CDC6: variants seen among roughly 807,000 people sequenced by gnomAD.
CDC6 encodes the protein cell division cycle 6.
Under a neutral mutation model 60.2 loss-of-function variants are expected in CDC6, and 46 were observed. That is an observed-to-expected ratio of 0.76 (90% CI 0.60 to 0.98). The LOEUF is 0.98. Among genes scored for constraint, CDC6 ranks in the 50% least tolerant of loss-of-function variants. The pLI is 0.00. For missense variants in CDC6, 596 were observed against 652.9 expected (o/e 0.91, Z 0.95); for synonymous variants, 210 against 233.2 (o/e 0.90, Z 0.90).
At chr17:40,288,972 A>G (rs952650300) in intron 1 of CDC6, among the ~76,000 whole-genome samples, 1 of 152,202 alleles carries the variant, frequency 6.6e-6, no homozygotes, top group Non-Finnish European at 1.5e-5. Context: ...AAGTGCTGGG[A>G]TTACAGGCGT....
rs1482415331 is a variant in CDC6, at chr17:40,291,598, G to T, written c.590G>T (p.Ser197Ile). The T allele has an allele frequency of 1.2e-6, 2 of 1,614,230 alleles. No homozygotes were observed. The highest frequency in any genetic ancestry group is 2.2e-5 in the South Asian group (2 of 91,092). Reference protein sequence around the residue: ...REHICGKKAGSLYLSGAPGTG... With the variant: ...REHICGKKAGILYLSGAPGTG... ...CACATCTGTGGGAAAAAAGCTGGAA[G>T]CCTTTACCTTTCTGGTGCTCCTGGA... is the stretch of plus-strand genomic sequence containing the variant. The change falls in exon 4 of 12, where the codon AGC becomes ATC. Residue 197 changes from serine (S) to isoleucine (I), a missense_variant. Coordinates refer to ENST00000209728, the MANE Select transcript of CDC6 (RefSeq NM_001254.4).
rs1193293063 is a variant in CDC6 at position 40,302,511 on chromosome 17, C to T, written c.*510C>T. The T allele has an allele frequency of 3.8e-5, 6 of 156,392 alleles. No homozygotes were observed. Among genetic ancestry groups the T allele is most frequent in the Admixed American group, 6.4e-5 (1 of 15,748 alleles). 9.7% of individuals were successfully genotyped at this position (156,392 alleles called of 1,614,324 possible). On this transcript the variant is annotated 3_prime_UTR_variant, in exon 12 of 12. Transcript: ENST00000209728. ...CTGGGATTACAGGTGCCCACCACCG[C>T]GCCCAGCTAATTTTTTAATTTTTAG...
intron 4 of CDC6, among the ~76,000 whole-genome samples, chr17:40,293,243 A>G (rs559871388): frequency 3.5e-4 from 52 of 150,498 alleles, no homozygotes; most frequent in African/African-American, 1.2e-3. Context: ...CGTCTCAAAG[A>G]AAAAAAAAAG....
At position 40,301,627 on chromosome 17, in the gene CDC6, GAC is replaced by G; in HGVS notation, c.1593+21_1593+22del. 1 of 1,613,020 alleles carries G rather than the reference GAC, an allele frequency of 6.2e-7. No homozygotes were observed. The highest frequency in any genetic ancestry group is 8.5e-7 in the Non-Finnish European group (1 of 1,179,084). On this transcript the variant is annotated intron_variant, in intron 11 of 11. Coordinates refer to ENST00000209728, the MANE Select transcript of CDC6 (RefSeq NM_001254.4). ...GACAAAGGTACAACTGCTTTTTTGT[GAC>G]AGTGTTTTTAATTGTCCTATTTTGT...
At chr17:40,293,335 C>A in intron 4 of CDC6, 121 bp from the exon 5 acceptor site, 1 of 722,942 alleles carries the variant, frequency 1.4e-6, no homozygotes. Flanking sequence ...TTGTTTAAAT[C>A]TTTCCAAATG....
At position 40,301,933 on chromosome 17, in the gene CDC6, A is replaced by G; in HGVS notation, c.1615A>G (p.Lys539Glu). Reference sequence around the variant, plus strand: ...CCAGGTGTTTTTCAAGATTGAAGAGAAAGAAATAGAACATGCTCTGAAAGA... The same window carrying G: ...CCAGGTGTTTTTCAAGATTGAAGAGGAAGAAATAGAACATGCTCTGAAAGA... ...LTKVFFKIEE[K>E]EIEHALKDKA... Residue 539 changes from lysine to glutamate, a missense_variant, in exon 12 of 12, where the codon AAA (lysine) becomes GAA (glutamate). Lys to Glu is a moderately conservative substitution (Grantham distance 56, BLOSUM62 1). Coordinates refer to ENST00000209728, the MANE Select transcript of CDC6 (RefSeq NM_001254.4). The G allele has an allele frequency of 6.3e-7, 1 of 1,595,404 alleles. No homozygotes were observed. Among genetic ancestry groups the G allele is most frequent in the South Asian group, 1.1e-5 (1 of 90,620 alleles).
At position 40,291,531 on chromosome 17, in the gene CDC6, A is replaced by G. The variant is rs1180455338; in HGVS notation, c.523A>G (p.Arg175Gly). ...NTAVPDRLPA[R>G]EREMDVIRNF... ...AGCTGTCCCAGATCGGCTGCCTGCC[A>G]GGGAAAGGGAGATGGATGTCATCAG... Residue 175 changes from arginine (R) to glycine (G), a missense_variant, in exon 4 of 12, where the codon AGG becomes GGG. Arg to Gly is a moderately radical substitution (Grantham distance 125). Transcript: ENST00000209728. 3 of 1,614,094 alleles carry G rather than the reference A, an allele frequency of 1.9e-6. No individual in the cohort carries two copies. Among genetic ancestry groups the G allele is most frequent in the Non-Finnish European group, 2.5e-6 (3 of 1,180,038 alleles).
chr17:40,293,569 A>G lies in CDC6; in HGVS notation c.774A>G (p.Pro258=). ...QEICQEEVSR[P]AGKDMMRKLE... Reference sequence around the variant, plus strand: ...TTTGTCAGGAAGAGGTATCCAGGCCAGCTGGGAAGGACATGATGAGGAAAT... The same window carrying G: ...TTTGTCAGGAAGAGGTATCCAGGCCGGCTGGGAAGGACATGATGAGGAAAT... Residue 258 remains proline (P), a synonymous_variant, in exon 5 of 12, where the codon CCA becomes CCG. Coordinates refer to ENST00000209728, the MANE Select transcript of CDC6 (RefSeq NM_001254.4). The G allele has an allele frequency of 1.9e-6, 3 of 1,613,952 alleles. No homozygotes were observed. Among genetic ancestry groups the G allele is most frequent in the Non-Finnish European group, 2.5e-6 (3 of 1,179,782 alleles).
rs750816199 is a variant in CDC6, at chr17:40,293,617, G to C, written c.822G>C (p.Glu274Asp). The C allele has an allele frequency of 6.2e-7, 1 of 1,612,834 alleles. No individual in the cohort carries two copies. Among genetic ancestry groups the C allele is most frequent in the South Asian group, 1.1e-5 (1 of 91,054 alleles). The change falls in exon 5 of 12, where the codon GAG becomes GAC. Residue 274 changes from glutamate to aspartate, a missense_variant. Transcript: ENST00000209728. ...AATTGGAAAAACATATGACTGCAGA[G>C]AAGGGCCCCATGATGTAAGTATTGT... ...MRKLEKHMTA[E>D]KGPMIVLVLD...
chr17:40,297,556 T>C (rs1323368826), intron 9 of CDC6, among the ~76,000 whole-genome samples: 1 of 152,118 alleles, frequency 6.6e-6, no homozygotes, highest in Non-Finnish European at 1.5e-5. Context: ...CAAGCCACCA[T>C]GGCACATGTA....
chr17:40,289,703 CTT>C (rs34020648), intron 2 of CDC6, 105 bp downstream of exon 2: 14,197 of 298,956 alleles, frequency 0.047, no homozygotes, highest in East Asian at 0.068. Flanking sequence ...GTTAAGACTT[CTT>C]TTTTTTTTTT....
chr17:40,299,166 T>TG (rs2032902293), intron 9 of CDC6, among the ~76,000 whole-genome samples: 1 of 138,876 alleles, frequency 7.2e-6, no homozygotes, highest in Non-Finnish European at 1.5e-5. Flanking sequence ...TTTTTTTTTT[T>TG]GAGACAGGGT....
At chr17:40,289,643 T>TTTC (rs772864728) in intron 2 of CDC6, 45 bp downstream of exon 2, 3 of 1,499,508 alleles carry the variant, frequency 2.0e-6, no homozygotes, top group Non-Finnish European at 2.8e-6. Flanking sequence ...GCTCGTGACC[T>TTTC]TTCTTTTCTT....
Position 40,302,036 on chromosome 17 carries a change from C to G in CDC6, c.*35C>G, listed in dbSNP as rs376865334. 127 of 1,230,390 alleles carry G rather than the reference C, an allele frequency of 1.0e-4. No homozygotes were observed. In the African/African-American group the frequency reaches 1.7e-3, roughly 17 times the overall value. The allele number at this position is 1,230,390 out of a possible 1,614,324, so 76.2% of individuals were successfully genotyped here. A position where few individuals can be genotyped will look rare whatever the true frequency, so the allele number is the denominator to read the frequency against. ...TTACACCCCACCCGAAAGTATTCAGCTGGCATTTAGAGAGCTACAGTCTTC... is the reference window on the plus strand; with the variant it reads ...TTACACCCCACCCGAAAGTATTCAGGTGGCATTTAGAGAGCTACAGTCTTC... On this transcript the variant is annotated 3_prime_UTR_variant, in exon 12 of 12. Transcript: ENST00000209728.
intron 6 of CDC6, 32 bp downstream of exon 6, chr17:40,294,088 G>A (rs987702737): frequency 2.1e-6 from 3 of 1,448,104 alleles, no homozygotes; most frequent in Non-Finnish European, 2.9e-6. Context: ...TTACATGGTG[G>A]TTCTAAAGTA....
chr17:40,289,545 T>G lies in CDC6; in HGVS notation c.125T>G (p.Val42Gly). ...AKLEPTNVQT[V>G]TCSPRVKALP... ...CTAGAACCAACAAATGTCCAAACCG[T>G]AACCTGTTCTCCTCGTGTAAAAGCC... Residue 42 changes from valine (V) to glycine (G), a missense_variant, in exon 2 of 12, where the codon GTA (valine) becomes GGA (glycine). Transcript: ENST00000209728. 6.2e-7 allele frequency: 1 copy of G among 1,614,030 alleles called. No individual in the cohort carries two copies. Among genetic ancestry groups the G allele is most frequent in the Non-Finnish European group, 8.5e-7 (1 of 1,179,994 alleles).
chr17:40,295,550 A>G (rs2032845388), intron 8 of CDC6, 94 bp downstream of exon 8: 2 of 884,946 alleles, frequency 2.3e-6, no homozygotes, highest in Non-Finnish European at 3.8e-6. Flanking sequence ...GTGGCTTAAG[A>G]GGCTCTGTTC....
chr17:40,301,310 A>G (rs1021828026), intron 10 of CDC6, among the ~76,000 whole-genome samples, 158 bp from the exon 11 acceptor site: 19 of 152,230 alleles, frequency 1.2e-4, no homozygotes, highest in African/African-American at 4.6e-4. Flanking sequence ...GTTTTCGGGA[A>G]TATCTACAGA....
intron 8 of CDC6, 26 bp from the exon 9 acceptor site, chr17:40,296,677 A>G: frequency 6.9e-7 from 1 of 1,443,822 alleles, no homozygotes; most frequent in Non-Finnish European, 9.8e-7. Flanking sequence ...CTCAGACTAA[A>G]TTAATTTTAG....
Sources: gnomAD v4.1 joint callset for allele counts (sites outside exome capture counted in the v4.1 genomes callset) on GRCh38, gnomAD v4.1.1 for gene constraint, MANE v1.5 for transcripts, NCBI Gene and HGNC (gene_info 2026-07-23, HGNC 2026-07-21) for gene names.